GOLPH3L: variants seen among roughly 807,000 people sequenced by gnomAD.
GOLPH3L encodes golgi phosphoprotein 3 like, also known as Golgi phosphoprotein 3-like.
Under a neutral mutation model 30.3 loss-of-function variants are expected in GOLPH3L, and 22 were observed. The observed-to-expected ratio is 0.73, with a 90% CI of 0.52 to 1.04. GOLPH3L has a LOEUF of 1.04. Among genes scored for constraint, GOLPH3L ranks in the 50% least tolerant of loss-of-function variants. The pLI is 0.00. For synonymous variants in GOLPH3L, 120 were observed against 128.2 expected, an observed-to-expected ratio of 0.94 and a Z score of 0.43; for missense variants, 303 against 345.8, an observed-to-expected ratio of 0.88 and a Z score of 0.98.
intron 2 of GOLPH3L, among the ~76,000 whole-genome samples, chr1:150,690,358 T>C (rs1651183627): frequency 6.6e-6 from 1 of 152,134 alleles, no homozygotes; most frequent in South Asian, 2.1e-4. Context: ...CAGTAAAAGT[T>C]TGGGAGTTTG....
intron 2 of GOLPH3L, among the ~76,000 whole-genome samples, chr1:150,689,505 A>G (rs1467216655): frequency 6.6e-6 from 1 of 152,198 alleles, no homozygotes; most frequent in East Asian, 1.9e-4. Context: ...CTTGTGCTCA[A>G]TGTTTACTTT....
chr1:150,676,564 T>C (rs1032121589), intron 2 of GOLPH3L, among the ~76,000 whole-genome samples: 4 of 152,262 alleles, frequency 2.6e-5, no homozygotes, highest in African/African-American at 7.2e-5. Context: ...TAGTAAATTT[T>C]TTTTTACAGT....
intron 2 of GOLPH3L, among the ~76,000 whole-genome samples, chr1:150,687,499 C>G (rs587622860): frequency 6.6e-6 from 1 of 151,458 alleles, no homozygotes; most frequent in Admixed American, 6.6e-5. Context: ...GAATTGAACG[C>G]GGGAGGCAGA....
At chr1:150,683,695 C>A (rs1428532472) in intron 2 of GOLPH3L, among the ~76,000 whole-genome samples, 1 of 56,534 alleles carries the variant, frequency 1.8e-5, no homozygotes, top group African/African-American at 7.7e-5. Flanking sequence ...GCGAGACTCT[C>A]TCTCAAAAAA....
At chr1:150,656,557 T>C (rs1031465088) in intron 4 of GOLPH3L, among the ~76,000 whole-genome samples, 3 of 152,214 alleles carry the variant, frequency 2.0e-5, no homozygotes, top group Non-Finnish European at 2.9e-5. Flanking sequence ...TTTGCTAATT[T>C]TTCCAACTCA....
rs587716300 is a variant in GOLPH3L at position 150,664,178 on chromosome 1, T to A, written c.184-415A>T. On this transcript the variant is annotated intron_variant, in intron 2 of 4. Coordinates refer to ENST00000271732, the MANE Select transcript of GOLPH3L (RefSeq NM_018178.6). Reference sequence around the variant, plus strand: ...CATGCCTGGCTGTTTTTAAAAAAAATTTTTTTGTAGAGACAAGGTCTTGCT... The same window carrying A: ...CATGCCTGGCTGTTTTTAAAAAAAAATTTTTTGTAGAGACAAGGTCTTGCT... 3.4e-4 allele frequency among the ~76,000 whole-genome samples: 51 copies of A among 151,914 alleles called. 1 individual carries two copies. Among genetic ancestry groups the A allele is most frequent in the African/African-American group, 7.2e-4 (30 of 41,426 alleles).
intron 2 of GOLPH3L, among the ~76,000 whole-genome samples, chr1:150,670,446 A>C (rs964454001): frequency 1.1e-4 from 17 of 151,704 alleles, no homozygotes; most frequent in African/African-American, 2.9e-4. Flanking sequence ...AAATACAAAA[A>C]ATTAGCCGGG....
At chr1:150,688,083 A>G (rs1000971978) in intron 2 of GOLPH3L, among the ~76,000 whole-genome samples, 3 of 152,216 alleles carry the variant, frequency 2.0e-5, no homozygotes, top group African/African-American at 7.2e-5. Flanking sequence ...AACTACAGGG[A>G]AGTGGGCAGC....
chr1:150,675,172 G>T (rs1349207856), intron 2 of GOLPH3L, among the ~76,000 whole-genome samples: 2 of 152,074 alleles, frequency 1.3e-5, no homozygotes, highest in Non-Finnish European at 2.9e-5. Flanking sequence ...GAGCCACCTG[G>T]CCTGGCTTCC....
intron 2 of GOLPH3L, among the ~76,000 whole-genome samples, chr1:150,668,123 T>C (rs1650552089): frequency 6.6e-6 from 1 of 152,326 alleles, no homozygotes; most frequent in Middle Eastern, 3.4e-3. Flanking sequence ...ACTTCTATTA[T>C]ATCATATTGC....
intron 2 of GOLPH3L, among the ~76,000 whole-genome samples, chr1:150,668,421 C>T (rs761464548): frequency 5.3e-5 from 8 of 152,234 alleles, no homozygotes; most frequent in Non-Finnish European, 1.0e-4. Context: ...ATCGCTCTGT[C>T]GCCCAGGCTG....
intron 2 of GOLPH3L, among the ~76,000 whole-genome samples, chr1:150,689,102 A>G (rs940750656): frequency 6.6e-6 from 1 of 152,230 alleles, no homozygotes; most frequent in African/African-American, 2.4e-5. Flanking sequence ...CCATATTTCC[A>G]ATGGATAATA....
intron 2 of GOLPH3L, among the ~76,000 whole-genome samples, chr1:150,674,361 A>C (rs1650722401): frequency 1.3e-5 from 2 of 151,770 alleles, no homozygotes; most frequent in African/African-American, 4.8e-5. Flanking sequence ...CCTGGGCTCA[A>C]GCGATTCTCC....
At chr1:150,694,198 TA>T in intron 2 of GOLPH3L, 1 of 438,374 alleles carries the variant, frequency 2.3e-6, no homozygotes, top group Non-Finnish European at 4.7e-6. Flanking sequence ...CAGAGGAAAA[TA>T]AAAAATTATT....
In GOLPH3L at chr1:150,648,341, C is replaced by T. The variant is rs754517107; in HGVS notation, c.838G>A (p.Ala280Thr). 3.1e-6 allele frequency: 5 copies of T among 1,601,488 alleles called. No individual in the cohort carries two copies. The highest frequency in any genetic ancestry group is 4.3e-6 in the Non-Finnish European group (5 of 1,171,984). Residue 280 changes from alanine (A) to threonine (T), a missense_variant, in exon 5 of 5, where the codon GCA becomes ACA. Coordinates refer to ENST00000271732, the MANE Select transcript of GOLPH3L (RefSeq NM_018178.6). Reference protein sequence around the residue: ...SATEMIWAVLAAFNKS With the variant: ...SATEMIWAVLTAFNKS The stretch of plus-strand genomic sequence containing the variant: ...CGGCTTTAAGATTTATTGAAGGCTG[C>T]CAGCACAGCCCAGATCATTTCTGTG...
At chr1:150,693,151 G>A (rs1651250838) in intron 2 of GOLPH3L, among the ~76,000 whole-genome samples, 1 of 152,078 alleles carries the variant, frequency 6.6e-6, no homozygotes, top group Non-Finnish European at 1.5e-5. Context: ...GTACACATAA[G>A]CATGTCTCTA....
At position 150,648,367 on chromosome 1, in the gene GOLPH3L, G is replaced by A. The variant is rs369066265; in HGVS notation, c.812C>T (p.Ala271Val). 1.9e-6 allele frequency: 3 copies of A among 1,613,672 alleles called. No homozygotes were observed. Among genetic ancestry groups the A allele is most frequent in the Non-Finnish European group, 2.5e-6 (3 of 1,179,770 alleles). The change falls in exon 5 of 5, where the codon GCC becomes GTC. Residue 271 changes from alanine to valine, a missense_variant. By Grantham distance (64) the Ala-to-Val change is moderately conservative. Coordinates refer to ENST00000271732, the MANE Select transcript of GOLPH3L (RefSeq NM_018178.6). ...DPEVEGTKPSATEMIWAVLAA... is the reference protein window; with the variant it reads ...DPEVEGTKPSVTEMIWAVLAA... The stretch of plus-strand genomic sequence containing the variant: ...CAGCACAGCCCAGATCATTTCTGTG[G>A]CACTAGGCTTTGTCCCTTCCACTTC...
At chr1:150,678,699 C>T (rs11800059) in intron 2 of GOLPH3L, among the ~76,000 whole-genome samples, 59,496 of 152,002 alleles carry the variant, frequency 0.39, 13,325 homozygotes, top group Non-Finnish European at 0.5. Flanking sequence ...TGATGTTTGG[C>T]GGGGTGCGGT....
At chr1:150,668,603 G>C (rs978915304) in intron 2 of GOLPH3L, among the ~76,000 whole-genome samples, 1 of 151,964 alleles carries the variant, frequency 6.6e-6, no homozygotes, top group Admixed American at 6.6e-5. Flanking sequence ...GGCTGGTCTC[G>C]AACTCCTCAG....
Sources: allele counts gnomAD v4.1 joint callset (sites outside exome capture counted in the v4.1 genomes callset), GRCh38; gene constraint gnomAD v4.1.1; transcripts MANE v1.5; gene names NCBI Gene and HGNC (gene_info 2026-07-23, HGNC 2026-07-21).